The following SDK1 variants were observed in gnomAD, a reference collection of about 807,000 sequenced individuals.
The protein encoded by SDK1 is sidekick cell adhesion molecule 1.
Under a neutral mutation model 245.5 loss-of-function variants are expected in SDK1, and 157 were observed. The ratio of observed to expected loss-of-function variants is 0.64; its 90% CI spans 0.56 to 0.73. The LOEUF is 0.73. Among genes scored for constraint, SDK1 ranks in the 30% least tolerant of loss-of-function variants. The probability of loss-of-function intolerance (pLI) is 0.00; values close to 1 mark genes in which losing one functional copy is unlikely to be tolerated. For synonymous variants in SDK1, 1,647 were observed against 1,278.5 expected (o/e 1.29, Z -6.15); for missense variants, 3,583 against 3,002.3 (o/e 1.19, Z -4.52).
At chr7:4,122,628 G>A (rs982194051) in intron 25 of SDK1, among the ~76,000 whole-genome samples, 3 of 152,106 alleles carry the variant, frequency 2.0e-5, no homozygotes, top group Non-Finnish European at 4.4e-5. Flanking sequence ...AAGGATAAAT[G>A]AGGCCTTAAA....
chr7:3,581,863 G>T (rs1780507993), intron 1 of SDK1, among the ~76,000 whole-genome samples: 2 of 152,328 alleles, frequency 1.3e-5, no homozygotes, highest in Admixed American at 1.3e-4. Flanking sequence ...GGGTGAAGCT[G>T]GAGGCCATCA....
At chr7:3,570,633 G>T (rs1780084851) in intron 1 of SDK1, among the ~76,000 whole-genome samples, 1 of 152,124 alleles carries the variant, frequency 6.6e-6, no homozygotes, top group Non-Finnish European at 1.5e-5. Flanking sequence ...CTAATGATAG[G>T]TTAATTCATA....
intron 5 of SDK1, among the ~76,000 whole-genome samples, chr7:3,928,982 A>C (rs1435118970): frequency 6.6e-6 from 1 of 152,224 alleles, no homozygotes; most frequent in Non-Finnish European, 1.5e-5. Context: ...CTGTCTCACT[A>C]GACCCAACTC....
At position 3,739,160 on chromosome 7, in the gene SDK1, C is replaced by A. The variant is rs561933869; in HGVS notation, c.714-82290C>A. ...CCATAGTTTCTGATGAGAAGTCATT[C>A]ATTCATCTTATTTGCTGTTCTTTTC... On this transcript the variant is annotated intron_variant, in intron 4 of 44. Transcript: ENST00000404826. Among the ~76,000 whole-genome samples, 6 of 152,170 alleles carry A rather than the reference C, an allele frequency of 3.9e-5. No homozygotes were observed. In the East Asian group the frequency reaches 1.2e-3, roughly 29 times the overall value.
At chr7:3,934,854 A>T (rs1042685650) in intron 5 of SDK1, among the ~76,000 whole-genome samples, 4 of 152,164 alleles carry the variant, frequency 2.6e-5, no homozygotes, top group Non-Finnish European at 5.9e-5. Flanking sequence ...CACAGCATGG[A>T]AAGGCACTGG....
chr7:4,011,011 C>T lies in SDK1; in HGVS notation c.2177C>T (p.Thr726Ile), dbSNP rs1785904201. The T allele has an allele frequency of 6.2e-7, 1 of 1,614,210 alleles. No homozygotes were observed. The highest frequency in any genetic ancestry group is 1.3e-5 in the African/African-American group (1 of 75,058). ...VHLSNVGPEM[T>I]GVTVSGLTPA... Reference sequence around the variant, plus strand: ...CTGTCAAACGTTGGCCCTGAGATGACAGGCGTCACCGTGAGTGGCCTGACT... The same window carrying T: ...CTGTCAAACGTTGGCCCTGAGATGATAGGCGTCACCGTGAGTGGCCTGACT... Residue 726 changes from threonine (T) to isoleucine (I), a missense_variant, in exon 15 of 45, where the codon ACA becomes ATA. By Grantham distance (89) the Thr-to-Ile change is moderately conservative (BLOSUM62 -1). Coordinates refer to ENST00000404826, the MANE Select transcript of SDK1 (RefSeq NM_152744.4).
chr7:3,555,867 T>C (rs1779572245), intron 1 of SDK1, among the ~76,000 whole-genome samples: 1 of 152,118 alleles, frequency 6.6e-6, no homozygotes, highest in African/African-American at 2.4e-5. Flanking sequence ...TACAACAAGG[T>C]ATCATCTCAC....
At chr7:3,947,188 T>C (rs902255798) in intron 5 of SDK1, among the ~76,000 whole-genome samples, 3 of 152,182 alleles carry the variant, frequency 2.0e-5, no homozygotes, top group African/African-American at 7.2e-5. Flanking sequence ...CGCTTCTTTA[T>C]TTCTTGTAAA....
At chr7:3,677,355 A>G (rs540209978) in intron 4 of SDK1, among the ~76,000 whole-genome samples, 1 of 152,338 alleles carries the variant, frequency 6.6e-6, no homozygotes, top group South Asian at 2.1e-4. Flanking sequence ...AAGACTGGGT[A>G]ATTTATAAAG....
chr7:3,865,916 A>T (rs1041685237), intron 5 of SDK1, among the ~76,000 whole-genome samples: 1 of 152,194 alleles, frequency 6.6e-6, no homozygotes, highest in African/African-American at 2.4e-5. Flanking sequence ...AAGCCCTCGT[A>T]GTCCTACATA....
chr7:3,555,053 T>A (rs145077435), intron 1 of SDK1, among the ~76,000 whole-genome samples: 10 of 152,252 alleles, frequency 6.6e-5, no homozygotes, highest in African/African-American at 2.2e-4. Flanking sequence ...AAAATACCCA[T>A]GAATTCTTCA....
chr7:4,210,070 C>G lies in SDK1; in HGVS notation c.5447C>G (p.Thr1816Ser). 1 of 1,608,196 alleles carries G rather than the reference C, an allele frequency of 6.2e-7. No homozygotes were observed. Among genetic ancestry groups the G allele is most frequent in the Non-Finnish European group, 8.5e-7 (1 of 1,177,834 alleles). The change falls in exon 38 of 45, where the codon ACC becomes AGC. Residue 1816 changes from threonine (T) to serine (S), a missense_variant. By Grantham distance (58) the Thr-to-Ser change is moderately conservative. Transcript: ENST00000404826. ...SFLAFSEITS[T>S]TLNVSWGEPA... Reference sequence around the variant, plus strand: ...CTGGCGTTCTCAGAAATAACCTCCACCACGCTCAACGTGTCCTGGGGCGAG... The same window carrying G: ...CTGGCGTTCTCAGAAATAACCTCCAGCACGCTCAACGTGTCCTGGGGCGAG...
At chr7:3,555,154 A>T (rs1779548152) in intron 1 of SDK1, among the ~76,000 whole-genome samples, 1 of 152,198 alleles carries the variant, frequency 6.6e-6, no homozygotes, top group Admixed American at 6.5e-5. Context: ...ACATAACTTG[A>T]GGAGTCACAT....
At chr7:4,112,786 G>A (rs891200783) in intron 23 of SDK1, among the ~76,000 whole-genome samples, 4 of 150,374 alleles carry the variant, frequency 2.7e-5, no homozygotes, top group African/African-American at 9.8e-5. Context: ...GCAGAGTCTC[G>A]CTCTGTCACC....
intron 4 of SDK1, among the ~76,000 whole-genome samples, chr7:3,662,352 C>A (rs1219580786): frequency 1.3e-5 from 2 of 152,170 alleles, no homozygotes; most frequent in Admixed American, 6.5e-5. Context: ...GGAGCATGAG[C>A]ATTTTTCACA....
intron 4 of SDK1, among the ~76,000 whole-genome samples, chr7:3,714,702 C>A (rs1785150426): frequency 6.6e-6 from 1 of 152,194 alleles, no homozygotes; most frequent in Non-Finnish European, 1.5e-5. Context: ...CACTTATTTT[C>A]TCTCAAAAGT....
intron 1 of SDK1, among the ~76,000 whole-genome samples, chr7:3,351,957 CA>C (rs1317941603): frequency 6.6e-6 from 1 of 151,906 alleles, no homozygotes; most frequent in Non-Finnish European, 1.5e-5. Flanking sequence ...GAGCATCTGA[CA>C]TTGATTACAT....
chr7:3,435,966 C>G (rs1402288592), intron 1 of SDK1, among the ~76,000 whole-genome samples: 1 of 152,166 alleles, frequency 6.6e-6, no homozygotes, highest in African/African-American at 2.4e-5. Flanking sequence ...TTGCTCTGGC[C>G]TAAACATTAA....
At chr7:3,754,524 A>G (rs1161488341) in intron 4 of SDK1, among the ~76,000 whole-genome samples, 1 of 128,318 alleles carries the variant, frequency 7.8e-6, no homozygotes, top group Non-Finnish European at 1.5e-5. Flanking sequence ...TGTCAAAGAA[A>G]AGTTTTACTC....
Sources: gnomAD v4.1 joint callset for allele counts (sites outside exome capture counted in the v4.1 genomes callset) on GRCh38, gnomAD v4.1.1 for gene constraint, MANE v1.5 for transcripts, NCBI Gene and HGNC (gene_info 2026-07-23, HGNC 2026-07-21) for gene names.